Variants in THAP12 observed in about 807,000 individuals in gnomAD.
THAP12 encodes the protein 52 kDa repressor of the inhibitor of the protein kinase.
A neutral mutation model predicts 63.0 loss-of-function variants in THAP12; 20 were observed. The ratio of observed to expected loss-of-function variants is 0.32; its 90% CI spans 0.22 to 0.46. The LOEUF is 0.46. Among genes scored for constraint, THAP12 ranks in the 20% least tolerant of loss-of-function variants. The probability of loss-of-function intolerance (pLI) is 1.00; values close to 1 mark genes in which losing one functional copy is unlikely to be tolerated. For synonymous variants in THAP12, 264 were observed against 328.4 expected (o/e 0.80, Z 2.12); for missense variants, 568 against 908.2 (o/e 0.63, Z 4.81).
At chr11:76,373,794 C>G (rs1050450684) in intron 1 of THAP12, among the ~76,000 whole-genome samples, 29 of 151,918 alleles carry the variant, frequency 1.9e-4, no homozygotes, top group Admixed American at 3.3e-4. Context: ...CCCAGGATTC[C>G]TTTGCACTAT....
chr11:76,355,037 A>T (rs944923812), intron 4 of THAP12, among the ~76,000 whole-genome samples: 1 of 152,254 alleles, frequency 6.6e-6, no homozygotes, highest in Non-Finnish European at 1.5e-5. Context: ...TGGCATCAGT[A>T]AGCACTCAAT....
At chr11:76,353,676 C>T (rs1270398557) in intron 4 of THAP12, among the ~76,000 whole-genome samples, 1 of 152,188 alleles carries the variant, frequency 6.6e-6, no homozygotes, top group African/African-American at 2.4e-5. Context: ...GGAAAATAAT[C>T]CAAATCTGAG....
At chr11:76,365,151 C>T (rs186005964) in intron 2 of THAP12, among the ~76,000 whole-genome samples, 1 of 152,006 alleles carries the variant, frequency 6.6e-6, no homozygotes, top group African/African-American at 2.4e-5. Context: ...CGTGGTGGCA[C>T]AATGCCTGTA....
intron 1 of THAP12, among the ~76,000 whole-genome samples, chr11:76,376,915 T>C (rs1946715378): frequency 6.6e-6 from 1 of 152,100 alleles, no homozygotes; most frequent in African/African-American, 2.4e-5. Context: ...TAAGAATGTC[T>C]TTGGGCTAAA....
intron 1 of THAP12, among the ~76,000 whole-genome samples, chr11:76,376,055 G>A (rs1946707666): frequency 6.6e-6 from 1 of 152,186 alleles, no homozygotes; most frequent in East Asian, 1.9e-4. Context: ...GGCTGGAAGG[G>A]CAGGGGAATG....
chr11:76,370,338 T>C lies in THAP12; in HGVS notation c.90-4366A>G, dbSNP rs1337160511. 2.0e-5 allele frequency among the ~76,000 whole-genome samples: 3 copies of C among 151,166 alleles called. No homozygotes were observed. The East Asian group carries it at 5.9e-4, about 30-fold the overall frequency. ...AATCCAACATGATGTACAGTTATCA[T>C]TTGTGATCTTCTGTGCATATGTTTT... is the stretch of plus-strand genomic sequence containing the variant. On this transcript the variant is annotated intron_variant, in intron 1 of 4. Transcript: ENST00000260045.
chr11:76,365,417 C>A (rs958540891), intron 2 of THAP12, among the ~76,000 whole-genome samples: 48 of 152,092 alleles, frequency 3.2e-4, no homozygotes, highest in African/African-American at 1.1e-3. Context: ...CAAGCGCTCA[C>A]TCTGTCGCCC....
chr11:76,351,680 T>C lies in THAP12; in HGVS notation c.1470A>G (p.Leu490=), dbSNP rs1946527912. 9.4e-6 allele frequency: 15 copies of C among 1,587,674 alleles called. No individual in the cohort carries two copies. The highest frequency in any genetic ancestry group is 6.7e-5 in the East Asian group (3 of 44,600). ...IVTIVVLKNV[L]SFTRAFGKNL... is the part of the protein sequence containing the mutation. ...TTTTCCCAAAGGCTCTTGTAAAAGA[T>C]AGGACATTTTTAAGAACAACAATAG... Residue 490 remains leucine, a synonymous_variant, in exon 5 of 5, where the codon CTA becomes CTG. Transcript: ENST00000260045.
In THAP12 at chr11:76,352,478, T is replaced by C; in HGVS notation, c.672A>G (p.Ala224=). The change falls in exon 5 of 5, where the codon GCA becomes GCG. Residue 224 remains alanine, a synonymous_variant. Coordinates refer to ENST00000260045, the MANE Select transcript of THAP12 (RefSeq NM_004705.4). The part of the protein sequence containing the change: ...EVLRKRFETT[A]VNTLFCSKTQ... ...TTTTTGAACAAAACAACGTGTTAAC[T>C]GCTGTTGTCTCAAACCGCTTTCTCA... is the stretch of plus-strand genomic sequence containing the variant. 1 of 1,612,040 alleles carries C rather than the reference T, an allele frequency of 6.2e-7. No homozygotes were observed. The highest frequency in any genetic ancestry group is 2.2e-5 in the East Asian group (1 of 44,890).
At chr11:76,369,398 T>C (rs945196285) in intron 1 of THAP12, among the ~76,000 whole-genome samples, 1 of 152,228 alleles carries the variant, frequency 6.6e-6, no homozygotes, top group African/African-American at 2.4e-5. Context: ...GAGTACATAC[T>C]ACATGATTCC....
At chr11:76,357,418 A>G (rs998268332) in intron 3 of THAP12, 9 of 152,170 alleles carry the variant, frequency 5.9e-5, no homozygotes, top group African/African-American at 2.2e-4. Flanking sequence ...AAAACTAAGG[A>G]TTTCTCAGAA....
intron 4 of THAP12, among the ~76,000 whole-genome samples, chr11:76,354,087 G>T (rs1946545017): frequency 6.6e-6 from 1 of 152,192 alleles, no homozygotes; most frequent in African/African-American, 2.4e-5. Context: ...GATAAATAAG[G>T]GGGACATGAA....
At chr11:76,355,481 C>A in intron 4 of THAP12, 137 bp downstream of exon 4, 1 of 761,306 alleles carries the variant, frequency 1.3e-6, no homozygotes, top group Middle Eastern at 2.9e-4. Flanking sequence ...AATTCCAAAA[C>A]ACAGGACAAA....
intron 3 of THAP12, among the ~76,000 whole-genome samples, chr11:76,360,250 T>C (rs1430429019): frequency 6.6e-6 from 1 of 152,164 alleles, no homozygotes; most frequent in Non-Finnish European, 1.5e-5. Flanking sequence ...TGATAGGACA[T>C]ATATTAAATA....
Position 76,351,682 on chromosome 11 carries a change from G to A in THAP12, c.1468C>T (p.Leu490=), listed in dbSNP as rs1946527936. 2 of 1,588,468 alleles carry A rather than the reference G, an allele frequency of 1.3e-6. No individual in the cohort carries two copies. Among genetic ancestry groups the A allele is most frequent in the South Asian group, 1.2e-5 (1 of 86,922 alleles). The change falls in exon 5 of 5, where the codon CTA becomes TTA. Residue 490 remains leucine, a synonymous_variant. Transcript: ENST00000260045. Reference sequence around the variant, plus strand: ...TTCCCAAAGGCTCTTGTAAAAGATAGGACATTTTTAAGAACAACAATAGTA... The same window carrying A: ...TTCCCAAAGGCTCTTGTAAAAGATAAGACATTTTTAAGAACAACAATAGTA... The part of the protein sequence containing the change: ...IVTIVVLKNV[L]SFTRAFGKNL...
intron 3 of THAP12, among the ~76,000 whole-genome samples, chr11:76,360,203 A>ATCTT (rs1294952571): frequency 3.9e-5 from 6 of 152,254 alleles, no homozygotes; most frequent in Non-Finnish European, 8.8e-5. Context: ...GGAAAATTAG[A>ATCTT]TAAATGCTAT....
At chr11:76,359,947 T>C (rs1590801724) in intron 3 of THAP12, among the ~76,000 whole-genome samples, 1 of 152,046 alleles carries the variant, frequency 6.6e-6, no homozygotes, top group Non-Finnish European at 1.5e-5. Context: ...AATAAAACAG[T>C]GTGGTATAGT....
intron 2 of THAP12, among the ~76,000 whole-genome samples, chr11:76,363,386 T>A (rs1397996104): frequency 2.0e-5 from 3 of 152,050 alleles, no homozygotes; most frequent in Admixed American, 6.5e-5. Context: ...TTTTTGTCTG[T>A]TTAAAGACAG....
In THAP12 at chr11:76,351,751, C is replaced by T; in HGVS notation, c.1399G>A (p.Ala467Thr). ...IRWNNYIAGR[A>T]FVLCSAVSDF... ...GACACTGCACTGCAGAGTACAAATG[C>T]TCGGCCAGCTATATAGTTATTCCAT... The change falls in exon 5 of 5, where the codon GCA (alanine) becomes ACA (threonine). Residue 467 changes from alanine (A) to threonine (T), a missense_variant. Ala to Thr is a moderately conservative substitution (Grantham distance 58). Transcript: ENST00000260045. The T allele has an allele frequency of 1.2e-6, 2 of 1,613,512 alleles. No individual in the cohort carries two copies. The highest frequency in any genetic ancestry group is 1.7e-6 in the Non-Finnish European group (2 of 1,179,542).
Sources: gnomAD v4.1 joint callset for allele counts (sites outside exome capture counted in the v4.1 genomes callset) on GRCh38, gnomAD v4.1.1 for gene constraint, MANE v1.5 for transcripts, NCBI Gene and HGNC (gene_info 2026-07-23, HGNC 2026-07-21) for gene names.